The following NRXN3 variants were observed in gnomAD, a reference collection of about 807,000 sequenced individuals.
The protein encoded by NRXN3 is neurexin 3, also known as neurexin III.
In NRXN3, 32 loss-of-function variants were observed where a neutral mutation model predicts 137.6. The observed-to-expected ratio is 0.23, with a 90% CI of 0.18 to 0.31. The LOEUF is 0.31. Among genes scored for constraint, NRXN3 ranks in the 10% least tolerant of loss-of-function variants. NRXN3 has a pLI of 1.00. For synonymous variants in NRXN3, 798 were observed against 784.5 expected (o/e 1.02, Z -0.29); for missense variants, 1,574 against 2,062.5 (o/e 0.76, Z 4.59).
chr14:79,195,921 T>C (rs1033308871), intron 15 of NRXN3, among the ~76,000 whole-genome samples: 4 of 152,220 alleles, frequency 2.6e-5, no homozygotes, highest in Non-Finnish European at 5.9e-5. Context: ...CAATACTGCT[T>C]GAAAATAGTA....
At chr14:78,722,048 AC>A (rs2098462682) in intron 8 of NRXN3, among the ~76,000 whole-genome samples, 1 of 151,870 alleles carries the variant, frequency 6.6e-6, no homozygotes, top group South Asian at 2.1e-4. Context: ...GAGTTATTCC[AC>A]CAGGTGAGAG....
chr14:79,185,758 G>A (rs4903836), intron 15 of NRXN3, among the ~76,000 whole-genome samples: 5,478 of 151,942 alleles, frequency 0.036, 235 homozygotes, highest in East Asian at 0.21. Flanking sequence ...AGCCACCACC[G>A]TACCCGGCCC....
At chr14:78,811,041 G>A (rs147387881) in intron 10 of NRXN3, among the ~76,000 whole-genome samples, 110 of 152,318 alleles carry the variant, frequency 7.2e-4, no homozygotes, top group Non-Finnish European at 1.2e-3. Flanking sequence ...GAGTCAACAT[G>A]TAGAAGGGGA....
intron 17 of NRXN3, among the ~76,000 whole-genome samples, chr14:79,669,399 A>G (rs1307034028): frequency 6.6e-6 from 1 of 152,144 alleles, no homozygotes; most frequent in Non-Finnish European, 1.5e-5. Context: ...CACAAAATGT[A>G]TCAATTAATC....
At chr14:79,841,610 C>A (rs2099356007) in intron 20 of NRXN3, among the ~76,000 whole-genome samples, 1 of 152,206 alleles carries the variant, frequency 6.6e-6, no homozygotes, top group Admixed American at 6.5e-5. Flanking sequence ...AGCATGCTTT[C>A]ACTGCCCTGA....
chr14:79,434,241 T>C (rs775721223), intron 15 of NRXN3, among the ~76,000 whole-genome samples: 14 of 152,048 alleles, frequency 9.2e-5, no homozygotes, highest in Non-Finnish European at 1.3e-4. Flanking sequence ...TATCCACACA[T>C]ACCCCACTTA....
In NRXN3 at chr14:79,675,376, T is replaced by C. The variant is rs551580834; in HGVS notation, c.3616+11427T>C. The stretch of plus-strand genomic sequence containing the variant: ...ATAATGCAAAATCTACTATAGACAA[T>C]ACATAAATGAATAGGCACAGCTGTA... On this transcript the variant is annotated intron_variant, in intron 17 of 20. Transcript: ENST00000335750. Among the ~76,000 whole-genome samples, 8 of 152,204 alleles carry C rather than the reference T, an allele frequency of 5.3e-5. No individual in the cohort carries two copies. The East Asian group carries it at 1.5e-3, about 29-fold the overall frequency.
chr14:79,573,469 T>C (rs2097632125), intron 16 of NRXN3, among the ~76,000 whole-genome samples: 1 of 152,054 alleles, frequency 6.6e-6, no homozygotes, highest in South Asian at 2.1e-4. Flanking sequence ...AAATTGGAAA[T>C]GTGAAATTTT....
intron 15 of NRXN3, among the ~76,000 whole-genome samples, chr14:79,113,633 C>T (rs1042628421): frequency 1.3e-5 from 2 of 152,192 alleles, no homozygotes; most frequent in Admixed American, 6.5e-5. Flanking sequence ...TTCTGGAATA[C>T]ATCCCAGTTT....
intron 15 of NRXN3, among the ~76,000 whole-genome samples, chr14:79,454,775 T>C (rs2096235723): frequency 6.6e-6 from 1 of 152,202 alleles, no homozygotes; most frequent in Non-Finnish European, 1.5e-5. Flanking sequence ...AGGGAATGGC[T>C]GCTGAATTTT....
chr14:79,126,830 G>C (rs900081060), intron 15 of NRXN3, among the ~76,000 whole-genome samples: 2 of 152,066 alleles, frequency 1.3e-5, no homozygotes, highest in African/African-American at 4.8e-5. Flanking sequence ...ATCCTCTCCA[G>C]CACCTGTTGT....
At chr14:78,613,093 GGCCT>G (rs1208272218) in intron 4 of NRXN3, among the ~76,000 whole-genome samples, 30 of 152,236 alleles carry the variant, frequency 2.0e-4, no homozygotes, top group Middle Eastern at 6.8e-3. Flanking sequence ...CTTGACCAAA[GGCCT>G]GCCTTGCCAA....
chr14:79,523,132 G>T (rs548362798), intron 16 of NRXN3, among the ~76,000 whole-genome samples: 15 of 152,216 alleles, frequency 9.9e-5, no homozygotes, highest in Non-Finnish European at 1.3e-4. Flanking sequence ...TGCGAACTTG[G>T]TGGACTAACA....
intron 4 of NRXN3, among the ~76,000 whole-genome samples, chr14:78,624,789 C>A (rs2097439176): frequency 6.6e-6 from 1 of 151,714 alleles, no homozygotes; most frequent in South Asian, 2.1e-4. Context: ...CGTCTACTGA[C>A]CCCTTGACTT....
At chr14:79,062,985 A>G (rs1270921987) in intron 15 of NRXN3, among the ~76,000 whole-genome samples, 1 of 152,146 alleles carries the variant, frequency 6.6e-6, no homozygotes, top group Admixed American at 6.6e-5. Context: ...GTATTTTGAG[A>G]AAGGGGGGGA....
At chr14:79,303,924 T>A (rs2085575888) in intron 15 of NRXN3, among the ~76,000 whole-genome samples, 1 of 152,020 alleles carries the variant, frequency 6.6e-6, no homozygotes, top group South Asian at 2.1e-4. Context: ...AGAATAGTAA[T>A]GGTGGTGGTA....
intron 15 of NRXN3, among the ~76,000 whole-genome samples, chr14:79,159,148 C>T (rs527521642): frequency 6.6e-6 from 1 of 151,822 alleles, no homozygotes; most frequent in South Asian, 2.1e-4. Flanking sequence ...TCTTGAACAT[C>T]CCCCAAAACT....
rs1567685038 is a variant in NRXN3 at position 78,913,265 on chromosome 14, TCTTTC to T, written c.2276-43976_2276-43972del. Among the ~76,000 whole-genome samples, 141 of 105,834 alleles carry T rather than the reference TCTTTC, an allele frequency of 1.3e-3. 1 individual carries two copies. The highest frequency in any genetic ancestry group is 4.6e-3 in the Middle Eastern group (1 of 218). 69.4% of individuals were successfully genotyped at this position (105,834 alleles called of 152,430 possible). A position where few individuals can be genotyped will look rare whatever the true frequency, so the allele number is the denominator to read the frequency against. On this transcript the variant is annotated intron_variant, in intron 10 of 20. Coordinates refer to ENST00000335750, the MANE Select transcript of NRXN3 (RefSeq NM_001330195.2). ...CCTTTCTTTTCTTTCTTTCTTTCTT[TCTTTC>T]TTTCTTTTTTTTTTTTTTTTTTTTT... is the stretch of plus-strand genomic sequence containing the variant.
chr14:78,294,251 A>C (rs2076085244), intron 3 of NRXN3, among the ~76,000 whole-genome samples: 1 of 152,110 alleles, frequency 6.6e-6, no homozygotes. Flanking sequence ...CATCAACAAC[A>C]ACTGTTATAA....
Sources: gnomAD v4.1 joint callset for allele counts (sites outside exome capture counted in the v4.1 genomes callset) on GRCh38, gnomAD v4.1.1 for gene constraint, MANE v1.5 for transcripts, NCBI Gene and HGNC (gene_info 2026-07-23, HGNC 2026-07-21) for gene names.